EPHA3: variants seen among roughly 807,000 people sequenced by gnomAD.
EPHA3 encodes the protein ephrin type-A receptor 3.
A neutral mutation model predicts 107.1 loss-of-function variants in EPHA3; 42 were observed. That is an observed-to-expected ratio of 0.39 (90% CI 0.31 to 0.51). The LOEUF (loss-of-function observed/expected upper bound fraction) is 0.51. Among genes scored for constraint, EPHA3 ranks in the 20% least tolerant of loss-of-function variants. EPHA3 has a pLI of 0.78. For synonymous variants in EPHA3, 461 were observed against 424.8 expected (o/e 1.09, Z -1.05); for missense variants, 1,183 against 1,211.2 (o/e 0.98, Z 0.35).
intron 3 of EPHA3, among the ~76,000 whole-genome samples, chr3:89,315,562 C>T (rs569081390): frequency 1.3e-5 from 2 of 151,298 alleles, no homozygotes; most frequent in East Asian, 3.9e-4. Context: ...ATAAATATCA[C>T]TATCCCTTTT....
At chr3:89,229,492 T>G (rs1447434490) in intron 3 of EPHA3, among the ~76,000 whole-genome samples, 1 of 151,520 alleles carries the variant, frequency 6.6e-6, no homozygotes, top group Non-Finnish European at 1.5e-5. Flanking sequence ...CATCTCAGTA[T>G]GACATCAATT....
At chr3:89,368,639 A>T (rs1708228643) in intron 5 of EPHA3, among the ~76,000 whole-genome samples, 2 of 150,328 alleles carry the variant, frequency 1.3e-5, no homozygotes, top group African/African-American at 2.4e-5. Context: ...TCAGGAAAAG[A>T]TAGATTTCCC....
At chr3:89,263,487 T>C (rs1285106281) in intron 3 of EPHA3, among the ~76,000 whole-genome samples, 1 of 152,034 alleles carries the variant, frequency 6.6e-6, no homozygotes, top group African/African-American at 2.4e-5. Context: ...ATGCGGGGGA[T>C]TTTATCGCTG....
intron 5 of EPHA3, among the ~76,000 whole-genome samples, chr3:89,351,561 A>G (rs1365161639): frequency 6.6e-6 from 1 of 150,948 alleles, no homozygotes; most frequent in Non-Finnish European, 1.5e-5. Flanking sequence ...ATGGAAATGC[A>G]GAAATCACCC....
At chr3:89,346,929 G>C (rs1372972396) in intron 5 of EPHA3, among the ~76,000 whole-genome samples, 1 of 147,114 alleles carries the variant, frequency 6.8e-6, no homozygotes, top group East Asian at 1.9e-4. Flanking sequence ...GATAGTTGTA[G>C]GTACGCGGCG....
In EPHA3 at chr3:89,107,776, C is replaced by T. The variant is rs771405440; in HGVS notation, c.28C>T (p.Leu10Phe). 1.6e-4 allele frequency: 255 copies of T among 1,614,078 alleles called. No individual in the cohort carries two copies. Among genetic ancestry groups the T allele is most frequent in the Non-Finnish European group, 2.0e-4 (241 of 1,180,032 alleles). The change falls in exon 1 of 17, where the codon CTT (leucine) becomes TTT (phenylalanine). Residue 10 changes from leucine to phenylalanine, a missense_variant. Physicochemically the swap from Leu to Phe is conservative, Grantham distance 22 (BLOSUM62 0). Coordinates refer to ENST00000336596, the MANE Select transcript of EPHA3 (RefSeq NM_005233.6). ...GGATTGTCAGCTCTCCATCCTCCTCCTTCTCAGCTGCTCTGTTCTCGACAG... is the reference window on the plus strand; with the variant it reads ...GGATTGTCAGCTCTCCATCCTCCTCTTTCTCAGCTGCTCTGTTCTCGACAG... MDCQLSILL[L>F]LSCSVLDSFG...
chr3:89,460,664 A>G (rs1710210344), intron 15 of EPHA3, among the ~76,000 whole-genome samples: 1 of 145,910 alleles, frequency 6.9e-6, no homozygotes, highest in African/African-American at 2.5e-5. Flanking sequence ...CTTCAAGACA[A>G]ATCGAACAAC....
chr3:89,295,239 C>T (rs1175649736), intron 3 of EPHA3, among the ~76,000 whole-genome samples: 1 of 152,156 alleles, frequency 6.6e-6, no homozygotes, highest in Non-Finnish European at 1.5e-5. Context: ...AAACAGTGTA[C>T]ATACCTTAGT....
intron 16 of EPHA3, among the ~76,000 whole-genome samples, chr3:89,476,774 A>T (rs1219440386): frequency 5.9e-5 from 9 of 151,272 alleles, no homozygotes; most frequent in Admixed American, 1.3e-4. Context: ...CGCCCCGCTA[A>T]TTTTTTTGTA....
chr3:89,181,404 T>A (rs1003144320), intron 2 of EPHA3, among the ~76,000 whole-genome samples: 1 of 151,926 alleles, frequency 6.6e-6, no homozygotes, highest in Non-Finnish European at 1.5e-5. Context: ...TTTTGTCACA[T>A]AGCTCAGTTT....
intron 2 of EPHA3, among the ~76,000 whole-genome samples, chr3:89,187,733 T>A (rs1705605315): frequency 6.6e-6 from 1 of 152,112 alleles, no homozygotes; most frequent in Non-Finnish European, 1.5e-5. Flanking sequence ...AGCATGTGTA[T>A]GAAAAGTTTA....
intron 3 of EPHA3, among the ~76,000 whole-genome samples, chr3:89,311,413 A>G (rs1389105061): frequency 6.6e-6 from 1 of 151,968 alleles, no homozygotes; most frequent in African/African-American, 2.4e-5. Flanking sequence ...AACCATGCAA[A>G]CTTTGGTGCC....
intron 2 of EPHA3, among the ~76,000 whole-genome samples, chr3:89,192,364 A>G (rs1304769920): frequency 1.3e-5 from 2 of 152,162 alleles, no homozygotes; most frequent in Non-Finnish European, 2.9e-5. Flanking sequence ...CCAGAGTTAT[A>G]GGAGTAAAAG....
intron 4 of EPHA3, among the ~76,000 whole-genome samples, chr3:89,341,372 G>A (rs1368199965): frequency 6.6e-6 from 1 of 152,130 alleles, no homozygotes; most frequent in African/African-American, 2.4e-5. Context: ...TATAGACAGG[G>A]GATTTATGTT....
intron 3 of EPHA3, among the ~76,000 whole-genome samples, chr3:89,228,327 G>A (rs927669833): frequency 6.6e-6 from 1 of 151,800 alleles, no homozygotes; most frequent in African/African-American, 2.4e-5. Flanking sequence ...GAAAAAATTG[G>A]ACAAAATAAC....
At chr3:89,231,127 T>A (rs1436046781) in intron 3 of EPHA3, among the ~76,000 whole-genome samples, 1 of 152,158 alleles carries the variant, frequency 6.6e-6, no homozygotes, top group Non-Finnish European at 1.5e-5. Flanking sequence ...TTTAATAATT[T>A]GCAATGAAAT....
intron 2 of EPHA3, among the ~76,000 whole-genome samples, chr3:89,208,601 G>A (rs1402719983): frequency 2.1e-5 from 2 of 97,446 alleles, no homozygotes; most frequent in Non-Finnish European, 5.2e-5. Flanking sequence ...AGGGAAGGAA[G>A]GAAGGAAAGA....
intron 2 of EPHA3, among the ~76,000 whole-genome samples, chr3:89,161,141 G>A (rs1704930117): frequency 6.6e-6 from 1 of 152,028 alleles, no homozygotes; most frequent in South Asian, 2.1e-4. Flanking sequence ...AAACATTACT[G>A]TACTGTTACT....
At chr3:89,475,864 A>C (rs1710495166) in intron 16 of EPHA3, among the ~76,000 whole-genome samples, 1 of 152,102 alleles carries the variant, frequency 6.6e-6, no homozygotes, top group African/African-American at 2.4e-5. Flanking sequence ...GGACAGTCAA[A>C]ATGAAATGAG....
Sources: allele counts gnomAD v4.1 joint callset (sites outside exome capture counted in the v4.1 genomes callset), GRCh38; gene constraint gnomAD v4.1.1; transcripts MANE v1.5; gene names NCBI Gene and HGNC (gene_info 2026-07-23, HGNC 2026-07-21).